The following MACROD2 variants were observed in gnomAD, a reference collection of about 807,000 sequenced individuals.
MACROD2 encodes mono-ADP ribosylhydrolase 2, also known as ADP-ribose glycohydrolase MACROD2.
MACROD2 carries 36 observed loss-of-function variants against 70.4 expected under a neutral mutation model. That is an observed-to-expected ratio of 0.51 (90% CI 0.39 to 0.68). MACROD2 has a LOEUF of 0.68. Ranked by LOEUF, MACROD2 falls within the 30% of genes least tolerant of loss-of-function variation. The pLI is 0.00. For synonymous variants in MACROD2, 172 were observed against 178.8 expected, an observed-to-expected ratio of 0.96 and a Z score of 0.30; for missense variants, 496 against 538.4, an observed-to-expected ratio of 0.92 and a Z score of 0.78.
chr20:15,177,413 A>T (rs1173900790), intron 5 of MACROD2, among the ~76,000 whole-genome samples: 1 of 152,168 alleles, frequency 6.6e-6, no homozygotes, highest in African/African-American at 2.4e-5. Context: ...TTGTGTATGC[A>T]TTTGTTTTAA....
intron 7 of MACROD2, among the ~76,000 whole-genome samples, chr20:15,455,089 T>A (rs1568820580): frequency 6.6e-6 from 1 of 152,080 alleles, no homozygotes; most frequent in Non-Finnish European, 1.5e-5. Context: ...CAACTTCAGG[T>A]TTCACCCACG....
chr20:14,939,323 T>G (rs2074370671), intron 5 of MACROD2, among the ~76,000 whole-genome samples: 1 of 152,062 alleles, frequency 6.6e-6, no homozygotes, highest in South Asian at 2.1e-4. Context: ...TTACCCAATT[T>G]TCCTAGCACC....
intron 5 of MACROD2, among the ~76,000 whole-genome samples, chr20:14,896,919 T>C (rs1449195569): frequency 1.3e-5 from 2 of 152,188 alleles, no homozygotes; most frequent in Non-Finnish European, 2.9e-5. Context: ...TAGTTCCTTA[T>C]TATCTTAAAA....
chr20:15,925,098 A>T (rs751765936), intron 10 of MACROD2, among the ~76,000 whole-genome samples: 7 of 152,332 alleles, frequency 4.6e-5, no homozygotes, highest in South Asian at 4.1e-4. Context: ...ACACCAGGTT[A>T]TGTGCATATC....
chr20:15,930,617 T>C (rs1001956068), intron 10 of MACROD2, among the ~76,000 whole-genome samples: 1 of 152,220 alleles, frequency 6.6e-6, no homozygotes, highest in East Asian at 1.9e-4. Context: ...GTGATAAATG[T>C]GCCAAGTGTT....
chr20:14,233,684 G>A (rs1226090446), intron 3 of MACROD2, among the ~76,000 whole-genome samples: 40 of 123,282 alleles, frequency 3.2e-4, no homozygotes, highest in African/African-American at 8.9e-4. Flanking sequence ...GCGACAGAGC[G>A]AGACTCCGTC....
At chr20:14,229,289 C>T (rs546413616) in intron 3 of MACROD2, among the ~76,000 whole-genome samples, 1 of 152,190 alleles carries the variant, frequency 6.6e-6, no homozygotes, top group South Asian at 2.1e-4. Flanking sequence ...AAAAGACAAG[C>T]CACAGGCTGG....
chr20:15,455,335 T>A (rs188019818), intron 7 of MACROD2, among the ~76,000 whole-genome samples: 4 of 152,294 alleles, frequency 2.6e-5, no homozygotes, highest in Non-Finnish European at 5.9e-5. Flanking sequence ...TAATGGAGAT[T>A]CCAGTTAGTG....
chr20:15,265,914 C>T (rs1198973019), intron 6 of MACROD2, among the ~76,000 whole-genome samples: 2 of 152,332 alleles, frequency 1.3e-5, no homozygotes, highest in African/African-American at 4.8e-5. Flanking sequence ...CTTAATAAAT[C>T]AGCTAACAAA....
chr20:15,781,356 C>CAT (rs1279586997), intron 8 of MACROD2, among the ~76,000 whole-genome samples: 1 of 152,176 alleles, frequency 6.6e-6, no homozygotes, highest in Non-Finnish European at 1.5e-5. Flanking sequence ...CTATGTGACC[C>CAT]ATGCAGGGGA....
At chr20:15,934,753 A>C (rs2065632493) in intron 11 of MACROD2, among the ~76,000 whole-genome samples, 1 of 151,894 alleles carries the variant, frequency 6.6e-6, no homozygotes, top group Non-Finnish European at 1.5e-5. Flanking sequence ...GCTGGAGTGC[A>C]GTGGTGCAAT....
chr20:15,715,241 G>A (rs145999294), intron 8 of MACROD2, among the ~76,000 whole-genome samples: 1 of 151,914 alleles, frequency 6.6e-6, no homozygotes, highest in Non-Finnish European at 1.5e-5. Flanking sequence ...AAAAAATCTG[G>A]CTGCAATTCT....
intron 6 of MACROD2, among the ~76,000 whole-genome samples, chr20:15,357,760 G>T (rs1368348617): frequency 6.7e-6 from 1 of 150,284 alleles, no homozygotes; most frequent in East Asian, 1.9e-4. Flanking sequence ...GATCTATCAA[G>T]GTAAAAATGA....
intron 3 of MACROD2, among the ~76,000 whole-genome samples, chr20:14,428,414 C>T (rs58174461): frequency 0.017 from 2,533 of 152,050 alleles, 66 homozygotes; most frequent in African/African-American, 0.056. Flanking sequence ...TCTAGATTTT[C>T]GAATAGAAGT....
chr20:15,461,998 C>A (rs750474547), intron 7 of MACROD2, among the ~76,000 whole-genome samples: 1 of 151,944 alleles, frequency 6.6e-6, no homozygotes, highest in South Asian at 2.1e-4. Context: ...TTTTATTAAA[C>A]ATACTCACAA....
At chr20:15,698,762 T>C (rs2050412879) in intron 8 of MACROD2, among the ~76,000 whole-genome samples, 1 of 152,074 alleles carries the variant, frequency 6.6e-6, no homozygotes, top group African/African-American at 2.4e-5. Flanking sequence ...GCAGGCTTTG[T>C]TTATATTTTC....
chr20:15,932,406 G>A (rs1273573549), intron 10 of MACROD2, among the ~76,000 whole-genome samples: 4 of 152,220 alleles, frequency 2.6e-5, no homozygotes, highest in African/African-American at 9.6e-5. Context: ...GAGAAGGAAT[G>A]GGCTCCACTC....
At chr20:14,134,673 C>T (rs1285428152) in intron 3 of MACROD2, among the ~76,000 whole-genome samples, 2 of 151,768 alleles carry the variant, frequency 1.3e-5, no homozygotes, top group Non-Finnish European at 2.9e-5. Context: ...GGCGTGGTGG[C>T]GCGTGCGTGT....
At chr20:14,930,981 A>G (rs1369954038) in intron 5 of MACROD2, among the ~76,000 whole-genome samples, 2 of 151,884 alleles carry the variant, frequency 1.3e-5, no homozygotes, top group African/African-American at 4.8e-5. Flanking sequence ...CCTGGGCAAC[A>G]TAGTGAGACC....
Sources: gnomAD v4.1 joint callset for allele counts (sites outside exome capture counted in the v4.1 genomes callset) on GRCh38, gnomAD v4.1.1 for gene constraint, MANE v1.5 for transcripts, NCBI Gene and HGNC (gene_info 2026-07-23, HGNC 2026-07-21) for gene names.